SMS: variants seen among roughly 807,000 people sequenced by gnomAD.
The protein encoded by SMS is spermidine aminopropyltransferase.
Under a neutral mutation model 33.0 loss-of-function variants are expected in SMS, and 3 were observed. The ratio of observed to expected loss-of-function variants is 0.09; its 90% CI spans 0.04 to 0.23. The LOEUF (loss-of-function observed/expected upper bound fraction) is 0.23, where lower values mean the gene tolerates loss of function less well. Ranked by LOEUF, SMS falls within the 10% of genes least tolerant of loss-of-function variation. SMS has a pLI of 1.00. For missense variants in SMS, 117 were observed against 288.6 expected, an observed-to-expected ratio of 0.41 and a Z score of 4.31; for synonymous variants, 103 against 112.2, an observed-to-expected ratio of 0.92 and a Z score of 0.52.
intron 9 of SMS, among the ~76,000 whole-genome samples, chrX:21,990,854 T>C (rs758105520): frequency 1.8e-5 from 2 of 112,766 alleles, no homozygotes; most frequent in Non-Finnish European, 3.7e-5. Context: ...GTGTGGTGTT[T>C]ATATGCTCTT....
At chrX:21,948,439 C>CTTTTTT (rs59082770) in intron 1 of SMS, among the ~76,000 whole-genome samples, 12,536 of 79,977 alleles carry the variant, frequency 0.16, 2,212 homozygotes, top group African/African-American at 0.5. Context: ...GTCAATGTGT[C>CTTTTTT]TTTTTTTTTT....
At chrX:21,972,462 A>G in intron 3 of SMS, 45 bp from the exon 4 acceptor site, 1 of 897,246 alleles carries the variant, frequency 1.1e-6, no homozygotes. Flanking sequence ...TAGTTCTTCC[A>G]TGCAGCTTAT....
At chrX:21,944,544 A>AAAG (rs1555992699) in intron 1 of SMS, among the ~76,000 whole-genome samples, 3 of 99,047 alleles carry the variant, frequency 3.0e-5, no homozygotes, top group Admixed American at 1.4e-4. Flanking sequence ...AAAAAAAAAA[A>AAAG]AGAAAAAAAA....
At chrX:21,988,193 C>T (rs768190526) in intron 9 of SMS, among the ~76,000 whole-genome samples, 14 of 112,144 alleles carry the variant, frequency 1.2e-4, no homozygotes, top group South Asian at 1.1e-3. Context: ...TTATGTGGAC[C>T]GGCATGTATA....
intron 1 of SMS, among the ~76,000 whole-genome samples, chrX:21,947,268 G>T (rs769342222): frequency 1.8e-5 from 2 of 111,585 alleles, no homozygotes; most frequent in South Asian, 7.5e-4. Context: ...AGGCACAGAC[G>T]CTGTTGCTTT....
chrX:21,979,607 T>C (rs1464268421), intron 7 of SMS, among the ~76,000 whole-genome samples: 1 of 111,430 alleles, frequency 9.0e-6, no homozygotes, highest in African/African-American at 3.3e-5. Flanking sequence ...CTATCCTTAA[T>C]GGGCATTTGG....
chrX:21,991,282 G>T (rs1192760523), intron 9 of SMS, among the ~76,000 whole-genome samples: 1 of 111,391 alleles, frequency 9.0e-6, no homozygotes, highest in Admixed American at 9.5e-5. Context: ...GGTTCAAGCG[G>T]TTCTTCTGCC....
At chrX:21,956,770 T>C (rs1313917033) in intron 1 of SMS, among the ~76,000 whole-genome samples, 5 of 111,938 alleles carry the variant, frequency 4.5e-5, no homozygotes, top group Non-Finnish European at 7.5e-5. Context: ...GCCCGGTGTA[T>C]TTTTAGCAGA....
chrX:21,980,429 A>AAATATATATATATATAT (rs1260210326), intron 7 of SMS, among the ~76,000 whole-genome samples: 9 of 63,037 alleles, frequency 1.4e-4, no homozygotes, highest in African/African-American at 3.8e-4. Flanking sequence ...AAAAAAAAAA[A>AAATATATATATATATAT]ATATATATAT....
intron 9 of SMS, among the ~76,000 whole-genome samples, chrX:21,987,393 C>T (rs1269779296): frequency 8.9e-6 from 1 of 111,997 alleles, no homozygotes; most frequent in African/African-American, 3.2e-5. Flanking sequence ...AGTGCAGTGG[C>T]ACAGTGGCAC....
chrX:21,988,495 C>T (rs1472500604), intron 9 of SMS, among the ~76,000 whole-genome samples: 1 of 109,067 alleles, frequency 9.2e-6, no homozygotes, highest in African/African-American at 3.3e-5. Flanking sequence ...GAAACCCCGT[C>T]TCTACTAAAA....
chrX:21,979,108 T>C, intron 7 of SMS, 142 bp downstream of exon 7: 3 of 485,425 alleles, frequency 6.2e-6, no homozygotes, highest in Non-Finnish European at 1.1e-5. Flanking sequence ...GAGTTATATG[T>C]ATATTTGTAT....
At chrX:21,946,722 G>A (rs1922260083) in intron 1 of SMS, among the ~76,000 whole-genome samples, 1 of 111,686 alleles carries the variant, frequency 9.0e-6, no homozygotes, top group Admixed American at 9.5e-5. Context: ...ACGTCCTGCA[G>A]CGCACAGGAC....
intron 1 of SMS, among the ~76,000 whole-genome samples, chrX:21,948,925 A>G (rs1201091061): frequency 1.8e-5 from 2 of 111,998 alleles, no homozygotes; most frequent in Non-Finnish European, 3.8e-5. Flanking sequence ...TCCTCAATTG[A>G]ATCTGCGAAC....
chrX:21,981,084 G>C (rs1379560552), intron 7 of SMS, among the ~76,000 whole-genome samples: 1 of 111,702 alleles, frequency 9.0e-6, no homozygotes, highest in Non-Finnish European at 1.9e-5. Context: ...ACTTTGGGAG[G>C]CCGAGGTGGG....
chrX:21,962,185 G>A, intron 1 of SMS, among the ~76,000 whole-genome samples: 1 of 111,516 alleles, frequency 9.0e-6, no homozygotes, highest in Non-Finnish European at 1.9e-5. Flanking sequence ...GTATGGCTGG[G>A]GTTACCAAAG....
At chrX:21,982,406 A>G (rs1160051710) in intron 7 of SMS, among the ~76,000 whole-genome samples, 1 of 111,052 alleles carries the variant, frequency 9.0e-6, no homozygotes, top group African/African-American at 3.3e-5. Flanking sequence ...TTCTTGTGAA[A>G]ACATTAGCAA....
intron 2 of SMS, among the ~76,000 whole-genome samples, chrX:21,967,835 C>G (rs1923850667): frequency 8.9e-6 from 1 of 112,566 alleles, no homozygotes; most frequent in Non-Finnish European, 1.9e-5. Flanking sequence ...GGCAGGATCG[C>G]TCACTGGGCT....
At chrX:21,991,498 A>G (rs1226858240) in intron 9 of SMS, among the ~76,000 whole-genome samples, 1 of 112,117 alleles carries the variant, frequency 8.9e-6, no homozygotes, top group Non-Finnish European at 1.9e-5. Context: ...TTTCTTAAGA[A>G]ACGGAATCAG....
Sources: allele counts gnomAD v4.1 joint callset (sites outside exome capture counted in the v4.1 genomes callset), GRCh38; gene constraint gnomAD v4.1.1; transcripts MANE v1.5; gene names NCBI Gene and HGNC (gene_info 2026-07-23, HGNC 2026-07-21).